Variants in AKAIN1 observed in about 807,000 individuals in gnomAD.
AKAIN1 encodes the protein A-kinase anchor inhibitor 1.
Under a neutral mutation model 3.7 loss-of-function variants are expected in AKAIN1, and 3 were observed. That is an observed-to-expected ratio of 0.82 (90% CI 0.37 to 2.12). The LOEUF (loss-of-function observed/expected upper bound fraction) is 2.12, where lower values mean the gene tolerates loss of function less well. AKAIN1 is among the 30% of genes most tolerant of loss of function. AKAIN1 has a pLI of 0.06. For synonymous variants in AKAIN1, 31 were observed against 30.8 expected (o/e 1.01, Z -0.02); for missense variants, 82 against 82.7 (o/e 0.99, Z 0.03).
chr18:5,165,134 T>G (rs1269608700), intron 1 of AKAIN1, among the ~76,000 whole-genome samples: 1 of 151,966 alleles, frequency 6.6e-6, no homozygotes, highest in Non-Finnish European at 1.5e-5. Context: ...AATTGAGGAA[T>G]TATGGGTTGG....
intron 1 of AKAIN1, among the ~76,000 whole-genome samples, chr18:5,162,827 TAA>T (rs2071147498): frequency 6.6e-6 from 1 of 151,766 alleles, no homozygotes; most frequent in African/African-American, 2.4e-5. Context: ...GGAAAAGTGA[TAA>T]AGAGGGTGAC....
intron 1 of AKAIN1, among the ~76,000 whole-genome samples, chr18:5,183,469 TG>T (rs1185141112): frequency 6.6e-6 from 1 of 151,986 alleles, no homozygotes; most frequent in Non-Finnish European, 1.5e-5. Context: ...CAATTTTAAA[TG>T]GTAATGGAAA....
intron 1 of AKAIN1, among the ~76,000 whole-genome samples, chr18:5,148,623 A>T (rs1187453124): frequency 6.6e-6 from 1 of 152,208 alleles, no homozygotes; most frequent in Non-Finnish European, 1.5e-5. Context: ...TGGGAGGCCG[A>T]CATGGGCGAA....
intron 1 of AKAIN1, among the ~76,000 whole-genome samples, chr18:5,179,280 TGTAA>T (rs1287492587): frequency 6.6e-6 from 1 of 152,156 alleles, no homozygotes. Flanking sequence ...AGCTCCCATT[TGTAA>T]GTGAGAACAT....
upstream of AKAIN1, chr18:5,197,301 A>G: frequency 7.4e-7 from 1 of 1,351,286 alleles, no homozygotes; most frequent in Non-Finnish European, 9.5e-7. The surrounding 1 kb of genome is among the most constrained non-coding windows in gnomAD (Gnocchi z 6.9). Flanking sequence ...ATCCCCGCTC[A>G]GTCCATCCCT....
intron 1 of AKAIN1, among the ~76,000 whole-genome samples, chr18:5,147,575 GATTA>G (rs554250534): frequency 1.3e-4 from 20 of 152,306 alleles, no homozygotes; most frequent in Middle Eastern, 3.4e-3. Context: ...CACTGGGGTT[GATTA>G]ATTAACAACA....
chr18:5,195,097 G>T (rs552387399), intron 1 of AKAIN1, among the ~76,000 whole-genome samples: 4 of 152,028 alleles, frequency 2.6e-5, no homozygotes, highest in African/African-American at 4.8e-5. Context: ...TGTTCTTATT[G>T]TCCCAAATGC....
intron 1 of AKAIN1, among the ~76,000 whole-genome samples, chr18:5,191,974 A>G (rs2071321259): frequency 6.6e-6 from 1 of 152,194 alleles, no homozygotes; most frequent in Non-Finnish European, 1.5e-5. Flanking sequence ...GGTAGCTTTC[A>G]ATGATATTTT....
intron 1 of AKAIN1, among the ~76,000 whole-genome samples, chr18:5,164,137 C>G (rs562578318): frequency 1.4e-4 from 21 of 152,022 alleles, no homozygotes; most frequent in African/African-American, 4.8e-4. Flanking sequence ...TGAAAAAGTA[C>G]AGTGAAAAAA....
At chr18:5,151,525 C>G (rs1435106256) in intron 1 of AKAIN1, among the ~76,000 whole-genome samples, 1 of 152,170 alleles carries the variant, frequency 6.6e-6, no homozygotes, top group Non-Finnish European at 1.5e-5. Flanking sequence ...TGCACCATTA[C>G]CAAATCAGAA....
rs1003421583 is a variant in AKAIN1, at chr18:5,197,130, G to T, written c.-77C>A. 6.5e-7 allele frequency: 1 copy of T among 1,545,472 alleles called. No homozygotes were observed. The highest frequency in any genetic ancestry group is 8.7e-7 in the Non-Finnish European group (1 of 1,146,452). On this transcript the variant is annotated 5_prime_UTR_variant, in exon 1 of 2. Transcript: ENST00000434239. This position sits in a 1 kb window ranked among gnomAD's most constrained non-coding sequence, Gnocchi z 6.9. ...GGAGGATGGGAAGAAGGCCGGACTT[G>T]GCGGGGTCCGGTGCAGGAGGGCGCG...
chr18:5,159,944 T>G (rs2071129816), intron 1 of AKAIN1, among the ~76,000 whole-genome samples: 1 of 152,232 alleles, frequency 6.6e-6, no homozygotes. Flanking sequence ...TTTGGTTTGA[T>G]CATTTTTACT....
intron 1 of AKAIN1, among the ~76,000 whole-genome samples, chr18:5,165,544 G>A (rs536726832): frequency 2.6e-5 from 4 of 152,134 alleles, no homozygotes; most frequent in African/African-American, 9.6e-5. Flanking sequence ...AAATGCTCAG[G>A]ATTCTAATAT....
chr18:5,156,989 A>G (rs998815227), intron 1 of AKAIN1, among the ~76,000 whole-genome samples: 4 of 152,208 alleles, frequency 2.6e-5, no homozygotes, highest in Non-Finnish European at 5.9e-5. Context: ...TTAAATGTCT[A>G]ACATCACTAG....
intron 1 of AKAIN1, among the ~76,000 whole-genome samples, chr18:5,183,078 C>A (rs887068757): frequency 6.6e-6 from 1 of 151,994 alleles, no homozygotes; most frequent in Non-Finnish European, 1.5e-5. Context: ...ACTTTCAAAT[C>A]CTGGTTCTGC....
chr18:5,165,644 A>C (rs186042), intron 1 of AKAIN1, among the ~76,000 whole-genome samples: 92,351 of 151,812 alleles, frequency 0.61, 28,990 homozygotes, highest in African/African-American at 0.76. Context: ...AGGAATCCTT[A>C]ACAGATATGC....
chr18:5,184,926 A>T (rs768804124), intron 1 of AKAIN1, among the ~76,000 whole-genome samples: 4 of 152,134 alleles, frequency 2.6e-5, no homozygotes, highest in Non-Finnish European at 5.9e-5. Context: ...GAGGCATCAC[A>T]TTATTTAACT....
intron 1 of AKAIN1, among the ~76,000 whole-genome samples, chr18:5,161,970 T>C (rs901501320): frequency 1.3e-5 from 2 of 152,100 alleles, no homozygotes; most frequent in Non-Finnish European, 2.9e-5. Flanking sequence ...AAGATGGAGC[T>C]CTTCAAGGTT....
intron 1 of AKAIN1, among the ~76,000 whole-genome samples, chr18:5,165,273 T>C (rs1157800244): frequency 6.6e-6 from 1 of 151,908 alleles, no homozygotes. Context: ...TAAAAGCAGA[T>C]AAAATGGTCC....
Sources: gnomAD v4.1 joint callset for allele counts (sites outside exome capture counted in the v4.1 genomes callset) on GRCh38, gnomAD v4.1.1 for gene constraint, Gnocchi (gnomAD v3.1) non-coding constraint, MANE v1.5 for transcripts, NCBI Gene and HGNC (gene_info 2026-07-23, HGNC 2026-07-21) for gene names.